The following C1QTNF1 variants were observed in gnomAD, a reference collection of about 807,000 sequenced individuals.
The protein encoded by C1QTNF1 is C1q and TNF related 1.
C1QTNF1 carries 22 observed loss-of-function variants against 27.8 expected under a neutral mutation model. That is an observed-to-expected ratio of 0.79 (90% confidence interval 0.56 to 1.13). The LOEUF is 1.13. C1QTNF1 is among the 50% of genes most tolerant of loss of function. C1QTNF1 has a pLI of 0.00. For missense variants in C1QTNF1, 373 were observed against 380.2 expected (o/e 0.98, Z 0.16); for synonymous variants, 166 against 154.3 (o/e 1.08, Z -0.56).
At position 79,049,729 on chromosome 17, in the gene C1QTNF1, C is replaced by A. The variant is rs1327400281; in HGVS notation, c.*1641C>A. On this transcript the variant is annotated 3_prime_UTR_variant, in exon 4 of 4. Coordinates refer to ENST00000579760, the MANE Select transcript of C1QTNF1 (RefSeq NM_030968.5). The surrounding 1 kb of genome is among the most constrained non-coding windows in gnomAD (Gnocchi z 4.4). ...GCCCGGAAGCAGAGCGCCACACTCGCTGCTTAAGCTCCCCCAGCTCTTTCC... is the reference window on the plus strand; with the variant it reads ...GCCCGGAAGCAGAGCGCCACACTCGATGCTTAAGCTCCCCCAGCTCTTTCC... 1 of 152,262 alleles carries A rather than the reference C, an allele frequency of 6.6e-6. No homozygotes were observed. The highest frequency in any genetic ancestry group is 1.5e-5 in the Non-Finnish European group (1 of 68,064). 9.4% of individuals were successfully genotyped at this position (152,262 alleles called of 1,614,324 possible).
At chr17:79,032,511 G>A (rs914942966) in intron 1 of C1QTNF1, among the ~76,000 whole-genome samples, 5 of 152,190 alleles carry the variant, frequency 3.3e-5, no homozygotes, top group Non-Finnish European at 4.4e-5. Flanking sequence ...TCTGGAAGCA[G>A]CGTGGGAGAC....
intron 1 of C1QTNF1, among the ~76,000 whole-genome samples, chr17:79,036,974 C>T (rs147514591): frequency 2.0e-4 from 30 of 152,284 alleles, no homozygotes; most frequent in Admixed American, 1.4e-3. Context: ...AAAGGCCCTG[C>T]GCTGGGTGGA....
chr17:79,026,770 A>G (rs1484925217), intron 1 of C1QTNF1, among the ~76,000 whole-genome samples: 2 of 152,130 alleles, frequency 1.3e-5, no homozygotes, highest in Non-Finnish European at 2.9e-5. Flanking sequence ...CTGGCGAGGG[A>G]CGTCCTCCCA....
At position 79,042,429 on chromosome 17, in the gene C1QTNF1, G is replaced by C. The variant is rs544333979; in HGVS notation, c.-14-1526G>C. On this transcript the variant is annotated intron_variant, in intron 1 of 3. Transcript: ENST00000579760. ...GGAGGGGGTCCTGCCCCAAGCTTTT[G>C]CCAAAAGCTCTGGGAGTGAGACGTG... is the stretch of plus-strand genomic sequence containing the variant. Among the ~76,000 whole-genome samples, 153 of 151,562 alleles carry C rather than the reference G, an allele frequency of 1.0e-3. 1 individual carries two copies. In the South Asian group the frequency reaches 0.014, roughly 14 times the overall value.
At chr17:79,025,731 C>T (rs889002974) in intron 1 of C1QTNF1, 4 of 209,632 alleles carry the variant, frequency 1.9e-5, no homozygotes, top group African/African-American at 9.2e-5. Flanking sequence ...GAGGCCTCTC[C>T]AGCACCTGCC....
Position 79,043,257 on chromosome 17 carries a change from ATG to A in C1QTNF1, c.-14-691_-14-690del, listed in dbSNP as rs764217825. On this transcript the variant is annotated intron_variant, in intron 1 of 3. Coordinates refer to ENST00000579760, the MANE Select transcript of C1QTNF1 (RefSeq NM_030968.5). ...GCATGTGATATGGGTATATGTATGC[ATG>A]TGTGTGCATGTGTGTTGAGAGTGTG... 3.7e-4 allele frequency: 164 copies of A among 445,940 alleles called. 1 individual carries two copies. The highest frequency in any genetic ancestry group is 6.6e-4 in the Non-Finnish European group (150 of 226,458). 27.6% of individuals were successfully genotyped at this position (445,940 alleles called of 1,614,324 possible). A position where few individuals can be genotyped will look rare whatever the true frequency, so the allele number is the denominator to read the frequency against.
upstream of C1QTNF1, chr17:79,023,041 G>C (rs191877011): frequency 6.6e-6 from 1 of 152,482 alleles, no homozygotes; most frequent in Admixed American, 6.5e-5. Context: ...CTTTTCATCT[G>C]TCCAGTTGTT....
At chr17:79,043,207 A>G (rs560427567) in intron 1 of C1QTNF1, 104 of 442,516 alleles carry the variant, frequency 2.4e-4, no homozygotes, top group South Asian at 1.5e-3. Context: ...ATGTGTGTGG[A>G]TTGCATGTGT....
At chr17:79,043,747 G>T (rs551448373) in intron 1 of C1QTNF1, 4 of 674,504 alleles carry the variant, frequency 5.9e-6, no homozygotes, top group South Asian at 4.5e-5. Context: ...GTGTGCACGT[G>T]AGTGCGTCGT....
intron 2 of C1QTNF1, among the ~76,000 whole-genome samples, chr17:79,044,886 G>A (rs927601549): frequency 6.6e-6 from 1 of 152,198 alleles, no homozygotes; most frequent in African/African-American, 2.4e-5. Flanking sequence ...AGGATTTGAG[G>A]TTGAGTCACA....
intron 1 of C1QTNF1, among the ~76,000 whole-genome samples, chr17:79,027,950 C>T (rs1265195361): frequency 6.6e-6 from 1 of 152,202 alleles, no homozygotes; most frequent in East Asian, 1.9e-4. Context: ...TCTGAGGCCC[C>T]CTGGATCTAA....
chr17:79,037,708 AC>A lies in C1QTNF1; in HGVS notation c.-14-6244del, dbSNP rs1282224465. 2.0e-5 allele frequency among the ~76,000 whole-genome samples: 3 copies of A among 152,032 alleles called. No individual in the cohort carries two copies. In the East Asian group the frequency reaches 5.8e-4, roughly 29 times the overall value. ...TATTACCACAGGGTCTCACTCTGTC[AC>A]CCAGGCTAGAGTGCAGTGGTGCGAT... On this transcript the variant is annotated intron_variant, in intron 1 of 3. Coordinates refer to ENST00000579760, the MANE Select transcript of C1QTNF1 (RefSeq NM_030968.5).
chr17:79,034,753 C>T (rs577864909), intron 1 of C1QTNF1, among the ~76,000 whole-genome samples: 2 of 152,306 alleles, frequency 1.3e-5, no homozygotes, highest in Admixed American at 6.5e-5. Context: ...AAATAAACAC[C>T]TAAGCCTTAA....
intron 1 of C1QTNF1, among the ~76,000 whole-genome samples, chr17:79,038,469 G>A (rs920002982): frequency 2.5e-4 from 38 of 152,200 alleles, no homozygotes; most frequent in African/African-American, 8.7e-4. Flanking sequence ...GCTGAAGAGC[G>A]GCTAGTCCTC....
intron 1 of C1QTNF1, chr17:79,043,680 T>G: frequency 1.8e-6 from 1 of 566,400 alleles, no homozygotes; most frequent in Non-Finnish European, 3.4e-6. Flanking sequence ...ATTGCATGTG[T>G]GTTGAGTGTG....
Position 79,044,064 on chromosome 17 carries a change from G to A in C1QTNF1, c.96G>A (p.Gly32=). ...LVLSRVPHVQ[G]EQQEWEGTEE... is the part of the protein sequence containing the mutation. ...TGAGTCGTGTGCCCCATGTCCAGGG[G>A]GAACAGCAGGAGTGGGAGGGGACTG... The change falls in exon 2 of 4, where the codon GGG becomes GGA. Residue 32 remains glycine, a synonymous_variant. Coordinates refer to ENST00000579760, the MANE Select transcript of C1QTNF1 (RefSeq NM_030968.5). The A allele has an allele frequency of 1.2e-6, 2 of 1,613,924 alleles. No individual in the cohort carries two copies. Among genetic ancestry groups the A allele is most frequent in the Non-Finnish European group, 1.7e-6 (2 of 1,179,902 alleles).
chr17:79,037,404 C>T (rs1030894969), intron 1 of C1QTNF1, among the ~76,000 whole-genome samples: 1 of 152,178 alleles, frequency 6.6e-6, no homozygotes, highest in Admixed American at 6.5e-5. Flanking sequence ...GCTGGGATTA[C>T]AGGTGTGAGC....
At chr17:79,024,965 C>G (rs1303365693) in intron 1 of C1QTNF1, 2 of 152,506 alleles carry the variant, frequency 1.3e-5, no homozygotes, top group African/African-American at 4.8e-5. Context: ...CCGGGTCTGT[C>G]CAGTCCTGTC....
chr17:79,042,543 G>A (rs544134796), intron 1 of C1QTNF1, among the ~76,000 whole-genome samples: 1 of 152,228 alleles, frequency 6.6e-6, no homozygotes, highest in South Asian at 2.1e-4. Context: ...CTGATGCGCC[G>A]CCTGGTGGCC....
Sources: gnomAD v4.1 joint callset for allele counts (sites outside exome capture counted in the v4.1 genomes callset) on GRCh38, gnomAD v4.1.1 for gene constraint, Gnocchi (gnomAD v3.1) non-coding constraint, MANE v1.5 for transcripts, NCBI Gene and HGNC (gene_info 2026-07-23, HGNC 2026-07-21) for gene names.